The following CECR2 variants were observed in gnomAD, a reference collection of about 807,000 sequenced individuals.
CECR2 encodes CECR2 histone acetyl-lysine reader.
In CECR2, 30 loss-of-function variants were observed where a neutral mutation model predicts 154.5. The observed-to-expected ratio is 0.19, with a 90% CI of 0.15 to 0.26. The LOEUF (loss-of-function observed/expected upper bound fraction) is 0.26, where lower values mean the gene tolerates loss of function less well. CECR2 is among the 10% of genes least tolerant of loss of function. The probability of loss-of-function intolerance (pLI) is 1.00; values close to 1 mark genes in which losing one functional copy is unlikely to be tolerated. For missense variants in CECR2, 1,743 were observed against 1,829.3 expected (o/e 0.95, Z 0.86); for synonymous variants, 725 against 683.7 (o/e 1.06, Z -0.94).
chr22:17,470,505 T>A (rs1456247294), intron 1 of CECR2, among the ~76,000 whole-genome samples: 1 of 152,148 alleles, frequency 6.6e-6, no homozygotes, highest in Non-Finnish European at 1.5e-5. Flanking sequence ...CATCGAAAGA[T>A]GAAGTCCCAC....
intron 1 of CECR2, among the ~76,000 whole-genome samples, chr22:17,421,580 A>T (rs1200170802): frequency 8.0e-6 from 1 of 125,496 alleles, no homozygotes; most frequent in Admixed American, 1.1e-4. Context: ...CCGCCACTGC[A>T]CTCCAGCCTG....
intron 1 of CECR2, among the ~76,000 whole-genome samples, chr22:17,468,327 C>T (rs2146760196): frequency 6.6e-6 from 1 of 152,212 alleles, no homozygotes; most frequent in East Asian, 1.9e-4. Flanking sequence ...CTGTGTCTTG[C>T]TCTGTTGTGA....
Position 17,401,837 on chromosome 22 carries a change from C to T in CECR2, c.126+31928C>T, listed in dbSNP as rs982887678. On this transcript the variant is annotated intron_variant, in intron 1 of 18. Coordinates refer to ENST00000262608, the MANE Select transcript of CECR2 (RefSeq NM_001290047.2). ...TAGGTGAATATTTAACACCCCCCCC[C>T]GCCCCCGCTGCCTTTTTTTTAACAG... 4.6e-4 allele frequency among the ~76,000 whole-genome samples: 65 copies of T among 141,934 alleles called. 1 individual carries two copies. Among genetic ancestry groups the T allele is most frequent in the Admixed American group, 3.7e-3 (53 of 14,194 alleles). 93.1% of individuals were successfully genotyped at this position (141,934 alleles called of 152,430 possible).
chr22:17,373,511 A>G (rs1004191552), intron 1 of CECR2, among the ~76,000 whole-genome samples: 3 of 152,220 alleles, frequency 2.0e-5, no homozygotes, highest in South Asian at 2.1e-4. Context: ...CCTTCCACTC[A>G]GGGATAAAAG....
At chr22:17,509,558 T>C (rs1723925426) in intron 7 of CECR2, among the ~76,000 whole-genome samples, 3 of 152,064 alleles carry the variant, frequency 2.0e-5, no homozygotes, top group Admixed American at 2.0e-4. Flanking sequence ...GCCTCCTGAG[T>C]ACCTGGACTA....
Position 17,543,829 on chromosome 22 carries a change from G to A in CECR2, c.2860+826G>A, listed in dbSNP as rs1290445690. 2.0e-5 allele frequency among the ~76,000 whole-genome samples: 3 copies of A among 152,108 alleles called. No homozygotes were observed. In the East Asian group the frequency reaches 5.8e-4, roughly 29 times the overall value. Reference sequence around the variant, plus strand: ...CTGCCTTGGCCTCCCAAAGTGCTAGGATTACAGGCATGAGCCTTCCAGAGA... The same window carrying A: ...CTGCCTTGGCCTCCCAAAGTGCTAGAATTACAGGCATGAGCCTTCCAGAGA... On this transcript the variant is annotated intron_variant, in intron 16 of 18. Coordinates refer to ENST00000262608, the MANE Select transcript of CECR2 (RefSeq NM_001290047.2).
chr22:17,550,427 A>T (rs922555470), intron 17 of CECR2: 3 of 154,404 alleles, frequency 1.9e-5, no homozygotes, highest in East Asian at 1.9e-4. Flanking sequence ...AAAAAAAAAA[A>T]ATAGGCCTAC....
chr22:17,487,718 C>T (rs1385227987), intron 2 of CECR2, among the ~76,000 whole-genome samples: 1 of 151,992 alleles, frequency 6.6e-6, no homozygotes, highest in African/African-American at 2.4e-5. Flanking sequence ...ATACTTACTG[C>T]TAAAATGTTT....
chr22:17,430,032 G>A (rs2518747), intron 1 of CECR2, among the ~76,000 whole-genome samples: 86,061 of 152,032 alleles, frequency 0.57, 26,008 homozygotes, highest in African/African-American at 0.79. Flanking sequence ...GAGAGTATTC[G>A]TTTCCTATAT....
chr22:17,372,404 C>T (rs753532807), intron 1 of CECR2, among the ~76,000 whole-genome samples: 14 of 151,956 alleles, frequency 9.2e-5, no homozygotes, highest in Admixed American at 2.0e-4. Flanking sequence ...GGTGGCTCAC[C>T]CCTGTAATCC....
chr22:17,420,622 G>A (rs2054231620), intron 1 of CECR2, among the ~76,000 whole-genome samples: 1 of 151,960 alleles, frequency 6.6e-6, no homozygotes, highest in African/African-American at 2.4e-5. Flanking sequence ...TTAGTGGATT[G>A]AGTCCACTTT....
intron 1 of CECR2, among the ~76,000 whole-genome samples, chr22:17,468,691 C>A (rs559134857): frequency 2.6e-5 from 4 of 152,144 alleles, no homozygotes; most frequent in Non-Finnish European, 5.9e-5. Flanking sequence ...AACCAGCAAC[C>A]CCCCGCCCCA....
intron 1 of CECR2, among the ~76,000 whole-genome samples, chr22:17,466,897 C>T (rs2055042442): frequency 6.6e-6 from 1 of 152,012 alleles, no homozygotes; most frequent in Admixed American, 6.6e-5. Flanking sequence ...TGGCCAAAAC[C>T]TTTCATTTTT....
chr22:17,450,839 T>G (rs2054757434), intron 1 of CECR2, among the ~76,000 whole-genome samples: 1 of 152,226 alleles, frequency 6.6e-6, no homozygotes, highest in South Asian at 2.1e-4. Context: ...CCTTACCACT[T>G]ACTGTTGATT....
intron 2 of CECR2, among the ~76,000 whole-genome samples, chr22:17,481,048 T>TAAAAAAAAA (rs1569109739): frequency 1.4e-4 from 10 of 73,176 alleles, no homozygotes; most frequent in African/African-American, 3.4e-4. Context: ...TCTTTTTTTT[T>TAAAAAAAAA]TAAAAAAAAA....
At chr22:17,398,203 T>A (rs989045575) in intron 1 of CECR2, among the ~76,000 whole-genome samples, 1 of 148,588 alleles carries the variant, frequency 6.7e-6, no homozygotes, top group African/African-American at 2.5e-5. Context: ...TATAACAAAG[T>A]GGGGGGGGGT....
intron 1 of CECR2, among the ~76,000 whole-genome samples, chr22:17,377,463 A>G (rs1386698151): frequency 6.7e-6 from 1 of 150,370 alleles, no homozygotes; most frequent in Non-Finnish European, 1.5e-5. Flanking sequence ...GTATCTCACT[A>G]TGTTACCCAG....
intron 1 of CECR2, among the ~76,000 whole-genome samples, chr22:17,405,164 C>G (rs1407135205): frequency 6.6e-6 from 1 of 152,176 alleles, no homozygotes; most frequent in Non-Finnish European, 1.5e-5. Context: ...AATCCCAGCA[C>G]TTTGGGAAGC....
At chr22:17,462,686 C>T (rs148658986) in intron 1 of CECR2, among the ~76,000 whole-genome samples, 6,080 of 152,116 alleles carry the variant, frequency 0.04, 198 homozygotes, top group South Asian at 0.13. Context: ...GAGGCCGAGG[C>T]GGGTGGATCA....
Sources: allele counts gnomAD v4.1 joint callset (sites outside exome capture counted in the v4.1 genomes callset), GRCh38; gene constraint gnomAD v4.1.1; transcripts MANE v1.5; gene names NCBI Gene and HGNC (gene_info 2026-07-23, HGNC 2026-07-21).